The following CMTM8 variants were observed in gnomAD, a reference collection of about 807,000 sequenced individuals.
CMTM8 encodes CKLF like MARVEL transmembrane domain containing 8, also known as CKLF-like MARVEL transmembrane domain-containing protein 8.
A neutral mutation model predicts 18.6 loss-of-function variants in CMTM8; 12 were observed. The observed-to-expected ratio is 0.65, with a 90% CI of 0.41 to 1.05. The LOEUF (loss-of-function observed/expected upper bound fraction) is 1.05. CMTM8 is among the 50% of genes least tolerant of loss of function. The pLI, the probability that CMTM8 is intolerant of heterozygous loss-of-function variation, is 0.00. For missense variants in CMTM8, 217 were observed against 227.2 expected (o/e 0.95, Z 0.29); for synonymous variants, 87 against 90.6 (o/e 0.96, Z 0.23).
chr3:32,273,439 A>G (rs909345002), intron 1 of CMTM8, among the ~76,000 whole-genome samples: 5 of 152,336 alleles, frequency 3.3e-5, no homozygotes, highest in Non-Finnish European at 4.4e-5. Flanking sequence ...AAACAAGTCA[A>G]TTGCCCACTA....
At chr3:32,288,650 A>G (rs1016454547) in intron 1 of CMTM8, among the ~76,000 whole-genome samples, 70 of 152,012 alleles carry the variant, frequency 4.6e-4, no homozygotes, top group Non-Finnish European at 8.4e-4. Flanking sequence ...ACAGGCGCCC[A>G]CCACCACGCC....
rs1235639377 is a variant in CMTM8 at position 32,358,953 on chromosome 3, G to C, written c.321+1407G>C. 6.6e-6 allele frequency among the ~76,000 whole-genome samples: 1 copy of C among 152,182 alleles called. No individual in the cohort carries two copies. Among genetic ancestry groups the C allele is most frequent in the Non-Finnish European group, 1.5e-5 (1 of 68,028 alleles). On this transcript the variant is annotated intron_variant, in intron 2 of 3. Transcript: ENST00000307526. This position sits in a 1 kb window ranked among gnomAD's most constrained non-coding sequence, Gnocchi z 4.1. ...ATGAGGGAATAATCAAAGTAGGTTG[G>C]AATTTAAGGAATGCCATTTTGGACA...
chr3:32,331,457 C>T (rs1696272826), intron 1 of CMTM8, among the ~76,000 whole-genome samples: 1 of 151,604 alleles, frequency 6.6e-6, no homozygotes, highest in South Asian at 2.1e-4. Flanking sequence ...CCAACAATCC[C>T]ACTTCTGGGT....
intron 1 of CMTM8, among the ~76,000 whole-genome samples, chr3:32,327,258 C>G (rs1375541987): frequency 6.6e-6 from 1 of 152,156 alleles, no homozygotes; most frequent in Non-Finnish European, 1.5e-5. Context: ...TAGTACTTCT[C>G]TGAGGCTTTT....
In CMTM8 at chr3:32,333,785, G is replaced by T. The variant is rs116869627; in HGVS notation, c.148-23588G>T. 4.5e-4 allele frequency among the ~76,000 whole-genome samples: 68 copies of T among 152,192 alleles called. No individual in the cohort carries two copies. The East Asian group carries it at 0.011, about 24-fold the overall frequency. On this transcript the variant is annotated intron_variant, in intron 1 of 3. Coordinates refer to ENST00000307526, the MANE Select transcript of CMTM8 (RefSeq NM_178868.5). ...ATACTGTGTGCTGGCTCTGATGATG[G>T]ATACATGTCATTATACATTTGTCTA... is the stretch of plus-strand genomic sequence containing the variant.
chr3:32,315,638 T>G (rs553844291), intron 1 of CMTM8, among the ~76,000 whole-genome samples: 2 of 152,348 alleles, frequency 1.3e-5, no homozygotes, highest in South Asian at 4.1e-4. Context: ...AATGTTGTAC[T>G]ATGTGACTCC....
At chr3:32,253,062 T>A (rs1459811361) in intron 1 of CMTM8, among the ~76,000 whole-genome samples, 3 of 152,230 alleles carry the variant, frequency 2.0e-5, no homozygotes, top group Non-Finnish European at 1.5e-5. Flanking sequence ...GTTTGTTTAC[T>A]TCCATTGGCT....
chr3:32,347,673 G>C (rs1351036566), intron 1 of CMTM8, among the ~76,000 whole-genome samples: 1 of 152,072 alleles, frequency 6.6e-6, no homozygotes. Context: ...TTTTATCTTG[G>C]ATGTATTTCT....
chr3:32,316,840 C>T (rs1326069289), intron 1 of CMTM8, among the ~76,000 whole-genome samples: 2 of 152,192 alleles, frequency 1.3e-5, no homozygotes, highest in African/African-American at 4.8e-5. Flanking sequence ...AAATCCCTGA[C>T]TGTTCGTAAG....
chr3:32,274,387 G>A (rs1702484843), intron 1 of CMTM8, among the ~76,000 whole-genome samples: 1 of 152,098 alleles, frequency 6.6e-6, no homozygotes, highest in Admixed American at 6.5e-5. Context: ...ATTGAAGTCA[G>A]AATTCCTTTA....
chr3:32,263,874 A>G (rs1056473069), intron 1 of CMTM8, among the ~76,000 whole-genome samples: 3 of 152,238 alleles, frequency 2.0e-5, no homozygotes, highest in Non-Finnish European at 2.9e-5. Context: ...AATGAATGAA[A>G]TAAAGCGAGA....
At chr3:32,274,295 G>A (rs1702483069) in intron 1 of CMTM8, among the ~76,000 whole-genome samples, 1 of 143,184 alleles carries the variant, frequency 7.0e-6, no homozygotes, top group Non-Finnish European at 1.5e-5. Flanking sequence ...GGGTGACCCT[G>A]TCTCAAAAAA....
intron 1 of CMTM8, among the ~76,000 whole-genome samples, chr3:32,270,305 A>G (rs1216464000): frequency 9.2e-5 from 14 of 152,228 alleles, no homozygotes; most frequent in Admixed American, 9.2e-4. Flanking sequence ...TGTGAAAGTC[A>G]GTGTGGTGAT....
chr3:32,363,208 A>G (rs897457477), intron 2 of CMTM8, among the ~76,000 whole-genome samples: 3 of 152,198 alleles, frequency 2.0e-5, no homozygotes, highest in African/African-American at 7.2e-5. Flanking sequence ...CTCTCCTGTG[A>G]TAGTCCAGAA....
chr3:32,341,985 C>T (rs989262012), intron 1 of CMTM8, among the ~76,000 whole-genome samples: 30 of 152,152 alleles, frequency 2.0e-4, no homozygotes, highest in Admixed American at 1.3e-3. Context: ...TGGTGGCTCA[C>T]GCCTGTAATC....
At chr3:32,327,279 T>G (rs1559380664) in intron 1 of CMTM8, among the ~76,000 whole-genome samples, 2 of 152,224 alleles carry the variant, frequency 1.3e-5, no homozygotes, top group African/African-American at 4.8e-5. Flanking sequence ...AAAATAAATT[T>G]TGATTTACAG....
rs746485279 is a variant in CMTM8, at chr3:32,239,040, TCTC to T, written c.70_72del (p.Ser24del). The T allele has an allele frequency of 1.4e-5, 22 of 1,586,544 alleles. No homozygotes were observed. Among genetic ancestry groups the T allele is most frequent in the Middle Eastern group, 1.7e-4 (1 of 6,036 alleles). On this transcript the variant is annotated inframe_deletion, in exon 1 of 4. Transcript: ENST00000307526. ...ACCGCCAGCTCCTTCGCAGAGAACT[TCTC>T]CACCAGCAGCAGCAGCTTCGCCTAC...
chr3:32,249,030 CTTTTTT>C (rs58156524), intron 1 of CMTM8, among the ~76,000 whole-genome samples: 4 of 62,462 alleles, frequency 6.4e-5, no homozygotes, highest in African/African-American at 2.1e-4. Context: ...AATGTGGAAT[CTTTTTT>C]TTTTTTTTTT....
At chr3:32,308,127 C>A (rs1387578162) in intron 1 of CMTM8, among the ~76,000 whole-genome samples, 1 of 152,156 alleles carries the variant, frequency 6.6e-6, no homozygotes, top group African/African-American at 2.4e-5. Context: ...ACTTAAGCAT[C>A]CTTTCAGGAT....
Sources: gnomAD v4.1 joint callset for allele counts (sites outside exome capture counted in the v4.1 genomes callset) on GRCh38, gnomAD v4.1.1 for gene constraint, Gnocchi (gnomAD v3.1) non-coding constraint, MANE v1.5 for transcripts, NCBI Gene and HGNC (gene_info 2026-07-23, HGNC 2026-07-21) for gene names.